LEMD1: variants seen among roughly 807,000 people sequenced by gnomAD.
LEMD1 encodes LEM domain containing 1.
A neutral mutation model predicts 17.4 loss-of-function variants in LEMD1; 18 were observed. That is an observed-to-expected ratio of 1.04 (90% CI 0.72 to 1.54). The LOEUF is 1.54. LEMD1 is among the 40% of genes most tolerant of loss of function. LEMD1 has a pLI of 0.00. For missense variants in LEMD1, 195 were observed against 210.4 expected, an observed-to-expected ratio of 0.93 and a Z score of 0.45; for synonymous variants, 88 against 77.8, an observed-to-expected ratio of 1.13 and a Z score of -0.69.
intron 1 of LEMD1, among the ~76,000 whole-genome samples, chr1:205,430,059 G>A (rs1666105547): frequency 6.6e-6 from 1 of 152,226 alleles, no homozygotes; most frequent in Admixed American, 6.5e-5. Context: ...AGCAGGGCCA[G>A]GCAGCGTCTG....
chr1:205,398,363 C>G (rs370420902), intron 4 of LEMD1, among the ~76,000 whole-genome samples: 1 of 152,206 alleles, frequency 6.6e-6, no homozygotes, highest in Non-Finnish European at 1.5e-5. Flanking sequence ...AATATATATT[C>G]CCATGATACA....
At chr1:205,438,661 G>A (rs1335441194) in intron 1 of LEMD1, among the ~76,000 whole-genome samples, 3 of 152,202 alleles carry the variant, frequency 2.0e-5, no homozygotes, top group East Asian at 3.8e-4. Flanking sequence ...CAGCTGCAGT[G>A]CTGGCCCCAA....
chr1:205,433,443 C>A (rs149259564), intron 1 of LEMD1, among the ~76,000 whole-genome samples: 91 of 152,192 alleles, frequency 6.0e-4, no homozygotes, highest in African/African-American at 2.0e-3. Flanking sequence ...GGCAACAGAG[C>A]GAGACTCTGT....
intron 1 of LEMD1, chr1:205,436,708 G>A (rs1448551872): frequency 6.6e-6 from 1 of 152,206 alleles, no homozygotes; most frequent in Non-Finnish European, 1.5e-5. Flanking sequence ...GGTACTGTCA[G>A]CTTGATCACC....
intron 4 of LEMD1, among the ~76,000 whole-genome samples, chr1:205,411,702 GAAGA>G (rs755983286): frequency 0.011 from 1,635 of 149,908 alleles, 27 homozygotes; most frequent in African/African-American, 0.037. Context: ...AAAGAAAAAG[GAAGA>G]AAGAAAGAAA....
intron 4 of LEMD1, among the ~76,000 whole-genome samples, chr1:205,396,221 C>T (rs866378633): frequency 1.3e-5 from 2 of 152,082 alleles, no homozygotes; most frequent in Non-Finnish European, 2.9e-5. Flanking sequence ...TGCTATGTTA[C>T]CCAGGCTGGT....
At chr1:205,397,135 G>A (rs993132729) in intron 4 of LEMD1, among the ~76,000 whole-genome samples, 2 of 152,128 alleles carry the variant, frequency 1.3e-5, no homozygotes, top group Non-Finnish European at 2.9e-5. Context: ...TCATCAGAAA[G>A]ACGAGCCTTT....
intron 4 of LEMD1, among the ~76,000 whole-genome samples, chr1:205,391,453 G>A (rs754692378): frequency 5.9e-5 from 9 of 151,978 alleles, no homozygotes; most frequent in African/African-American, 9.7e-5. Flanking sequence ...AAAAGCTCCC[G>A]GAAAAGCCAA....
At chr1:205,395,298 A>C (rs61824221) in intron 4 of LEMD1, among the ~76,000 whole-genome samples, 5 of 152,188 alleles carry the variant, frequency 3.3e-5, no homozygotes, top group Non-Finnish European at 7.3e-5. Flanking sequence ...GTAATTTTGA[A>C]ATTATTTCAA....
chr1:205,404,975 G>A (rs1308362050), intron 4 of LEMD1, among the ~76,000 whole-genome samples: 4 of 151,910 alleles, frequency 2.6e-5, no homozygotes, highest in Non-Finnish European at 5.9e-5. Flanking sequence ...TAGTTTGGCT[G>A]GATATGAAAT....
chr1:205,411,516 A>T (rs1310780632), intron 4 of LEMD1, among the ~76,000 whole-genome samples: 2 of 149,774 alleles, frequency 1.3e-5, no homozygotes, highest in African/African-American at 2.5e-5. Flanking sequence ...AGATTGTGCC[A>T]CTGCACTCCA....
chr1:205,387,094 A>G (rs1159253094), intron 4 of LEMD1: 2 of 152,184 alleles, frequency 1.3e-5, no homozygotes, highest in African/African-American at 4.8e-5. Context: ...CTAGGCAATC[A>G]AATACTCCCC....
In LEMD1 at chr1:205,420,529, T is replaced by C; in HGVS notation, c.8A>G (p.Asp3Gly). The change falls in exon 2 of 6, where the codon GAT (aspartate) becomes GGT (glycine). Residue 3 changes from aspartate (D) to glycine (G), a missense_variant. Asp to Gly is a moderately conservative substitution (Grantham distance 94). Coordinates refer to ENST00000367153, the MANE Select transcript of LEMD1 (RefSeq NM_001199050.2). ...TTTACAGTCACTCAGACACTTCACA[T>C]CCACCATGATGATAGAAGTTTGGCC... MV[D>G]VKCLSDCKLQ... 1 of 1,613,674 alleles carries C rather than the reference T, an allele frequency of 6.2e-7. No individual in the cohort carries two copies. The highest frequency in any genetic ancestry group is 1.1e-5 in the South Asian group (1 of 91,078).
chr1:205,444,368 C>T (rs771167291), intron 1 of LEMD1, among the ~76,000 whole-genome samples: 2 of 151,988 alleles, frequency 1.3e-5, no homozygotes, highest in Non-Finnish European at 2.9e-5. Context: ...GGGGCACAGA[C>T]GATGCCCTGC....
chr1:205,412,571 C>T (rs569634170), intron 4 of LEMD1, among the ~76,000 whole-genome samples: 1 of 152,300 alleles, frequency 6.6e-6, no homozygotes, highest in East Asian at 1.9e-4. Flanking sequence ...TAGGTACAAA[C>T]AAATGCTCTT....
At chr1:205,387,022 G>C (rs971902869) in intron 4 of LEMD1, 8 of 152,038 alleles carry the variant, frequency 5.3e-5, no homozygotes, top group Admixed American at 5.2e-4. Flanking sequence ...AAATAGATAC[G>C]TGAAATAAAG....
chr1:205,397,118 G>A (rs1574958260), intron 4 of LEMD1, among the ~76,000 whole-genome samples: 1 of 152,062 alleles, frequency 6.6e-6, no homozygotes, highest in African/African-American at 2.4e-5. Context: ...CTCTCACTAC[G>A]TAGCAATCAT....
chr1:205,415,447 C>T (rs1008629897), intron 4 of LEMD1, among the ~76,000 whole-genome samples: 1 of 121,174 alleles, frequency 8.3e-6, no homozygotes. Flanking sequence ...AAGAGGAAGA[C>T]AAAAAGTCAG....
intron 1 of LEMD1, among the ~76,000 whole-genome samples, chr1:205,433,449 T>C (rs898260079): frequency 3.3e-5 from 5 of 152,168 alleles, no homozygotes; most frequent in Admixed American, 3.3e-4. Flanking sequence ...AGAGCGAGAC[T>C]CTGTCTTGGG....
Sources: allele counts gnomAD v4.1 joint callset (sites outside exome capture counted in the v4.1 genomes callset), GRCh38; gene constraint gnomAD v4.1.1; transcripts MANE v1.5; gene names NCBI Gene and HGNC (gene_info 2026-07-23, HGNC 2026-07-21).